The following TACC3 variants were observed in gnomAD, a reference collection of about 807,000 sequenced individuals.
TACC3 encodes the protein transforming acidic coiled-coil containing protein 3.
TACC3 carries 52 observed loss-of-function variants against 86.0 expected under a neutral mutation model. The observed-to-expected ratio is 0.60, with a 90% confidence interval of 0.48 to 0.76. TACC3 has a LOEUF of 0.76. Ranked by LOEUF, TACC3 falls within the 30% of genes least tolerant of loss-of-function variation. The pLI is 0.00. For synonymous variants in TACC3, 512 were observed against 430.0 expected, an observed-to-expected ratio of 1.19 and a Z score of -2.36; for missense variants, 1,120 against 1,070.4, an observed-to-expected ratio of 1.05 and a Z score of -0.65.
chr4:1,724,521 G>T (rs1022291769), intron 3 of TACC3, among the ~76,000 whole-genome samples: 1 of 149,536 alleles, frequency 6.7e-6, no homozygotes, highest in Non-Finnish European at 1.5e-5. Flanking sequence ...CTCCCGAGTA[G>T]CTGGGGCTAC....
chr4:1,722,456 C>T (rs1215954667), intron 1 of TACC3, among the ~76,000 whole-genome samples: 2 of 152,210 alleles, frequency 1.3e-5, no homozygotes, highest in African/African-American at 4.8e-5. Context: ...CCTTGGGCTC[C>T]AGAAGCCTGT....
chr4:1,735,676 C>CG lies in TACC3; in HGVS notation c.1645-55_1645-54insG. ...AGGTGACCTCCCTGGCCCTTAGCCC[C>CG]CGTGTGTGTTAGGGGATGGCAGTCA... On this transcript the variant is annotated intron_variant, in intron 7 of 15. Coordinates refer to ENST00000313288, the MANE Select transcript of TACC3 (RefSeq NM_006342.3). The surrounding 1 kb of genome is among the most constrained non-coding windows in gnomAD (Gnocchi z 4.2). The CG allele has an allele frequency of 8.8e-6, 12 of 1,360,128 alleles. No individual in the cohort carries two copies. The highest frequency in any genetic ancestry group is 3.8e-5 in the Admixed American group (2 of 52,144). The allele number at this position is 1,360,128 out of a possible 1,614,324, so 84.3% of individuals were successfully genotyped here.
At chr4:1,738,306 G>T (rs1245511824) in intron 10 of TACC3, 2 of 227,812 alleles carry the variant, frequency 8.8e-6, no homozygotes, top group African/African-American at 4.6e-5. Context: ...GGCTGGCAGG[G>T]CTGGGTTCAA....
At chr4:1,743,192 G>T (rs1718676172) in intron 13 of TACC3, among the ~76,000 whole-genome samples, 1 of 148,032 alleles carries the variant, frequency 6.8e-6, no homozygotes, top group Non-Finnish European at 1.5e-5. Context: ...GGAGGTGGAG[G>T]TTGCAATGAG....
chr4:1,720,662 G>T (rs961733003), upstream of TACC3: 4 of 1,546,650 alleles, frequency 2.6e-6, no homozygotes, highest in Admixed American at 3.9e-5. The surrounding 1 kb of genome is among the most constrained non-coding windows in gnomAD (Gnocchi z 4.4). Context: ...GCACAACAGC[G>T]TGGCGGCCGT....
chr4:1,730,519 C>T (rs79404600), intron 4 of TACC3: 11,995 of 413,032 alleles, frequency 0.029, 311 homozygotes, highest in South Asian at 0.069. Context: ...CTTGCCTTGG[C>T]CCCTGGGTGG....
rs765522707 is a variant in TACC3 at position 1,728,787 on chromosome 4, A to G, written c.1385A>G (p.Gln462Arg). 5.6e-6 allele frequency: 9 copies of G among 1,600,726 alleles called. No homozygotes were observed. The Admixed American group carries it at 1.0e-4, about 18-fold the overall frequency. ...GAGGAGCCAGGTCCCTGTCTGAGCC[A>G]GTAAGTGTGAGGATGGGATGGGGAG... ...ATEEPGPCLS[Q>R]QLHSASAEDT... The change falls in exon 4 of 16, where the codon CAG becomes CGG. Residue 462 changes from glutamine (Q) to arginine (R), a missense_variant and splice_region_variant. By Grantham distance (43) the Gln-to-Arg change is conservative. Coordinates refer to ENST00000313288, the MANE Select transcript of TACC3 (RefSeq NM_006342.3).
intron 4 of TACC3, 112 bp from the exon 5 acceptor site, chr4:1,730,775 A>T: frequency 1.6e-6 from 2 of 1,224,744 alleles, no homozygotes; most frequent in Non-Finnish European, 2.4e-6. Context: ...CTGAATGTTC[A>T]CGTGGCCGGC....
intron 12 of TACC3, 194 bp from the exon 13 acceptor site, chr4:1,740,632 A>C: frequency 1.8e-4 from 96 of 527,834 alleles, no homozygotes; most frequent in Middle Eastern, 1.1e-3. Context: ...ATGTGGAGGA[A>C]ACAGCTGTTT....
chr4:1,731,253 C>T lies in TACC3; in HGVS notation c.1543C>T (p.Gln515Ter). 5 of 1,613,380 alleles carry T rather than the reference C, an allele frequency of 3.1e-6. No individual in the cohort carries two copies. The highest frequency in any genetic ancestry group is 4.2e-6 in the Non-Finnish European group (5 of 1,180,010). The change falls in exon 6 of 16, where the codon CAG (glutamine) becomes TAG (stop). Residue 515 changes from glutamine (Q) to a stop codon, truncating the protein, a stop_gained. Coordinates refer to ENST00000313288, the MANE Select transcript of TACC3 (RefSeq NM_006342.3). LOFTEE classifies it high-confidence loss of function. ...SEPVPTHQQG[Q>*]PALELKEESF... is the part of the protein sequence containing the mutation. ...GCCAGTGCCCACCCATCAGCAGGGGCAGCCTGCCTTGGAGCTGAAAGAGGA... is the reference window on the plus strand; with the variant it reads ...GCCAGTGCCCACCCATCAGCAGGGGTAGCCTGCCTTGGAGCTGAAAGAGGA...
At chr4:1,727,316 C>T (rs1415271862) in intron 3 of TACC3, among the ~76,000 whole-genome samples, 1 of 152,166 alleles carries the variant, frequency 6.6e-6, no homozygotes, top group African/African-American at 2.4e-5. Flanking sequence ...GGGGGCAGAC[C>T]TCGTGCATGA....
At chr4:1,728,918 C>T (rs2108689771) in intron 4 of TACC3, 131 bp downstream of exon 4, 1 of 939,334 alleles carries the variant, frequency 1.1e-6, no homozygotes, top group Admixed American at 2.9e-5. Context: ...TGAGGAGGGG[C>T]CTCTGGATAA....
intron 3 of TACC3, among the ~76,000 whole-genome samples, chr4:1,726,040 C>T (rs902222046): frequency 1.4e-4 from 22 of 152,220 alleles, no homozygotes; most frequent in Admixed American, 4.6e-4. Flanking sequence ...CATGACCCTG[C>T]GTCTTCTCAG....
At chr4:1,732,762 C>T (rs954714280) in intron 6 of TACC3, among the ~76,000 whole-genome samples, 10 of 152,178 alleles carry the variant, frequency 6.6e-5, no homozygotes, top group South Asian at 2.1e-4. Flanking sequence ...GGTGTGTTTC[C>T]GAGTCCTGGC....
At position 1,728,245 on chromosome 4, in the gene TACC3, C is replaced by T. The variant is rs1717808103; in HGVS notation, c.843C>T (p.Thr281=). Residue 281 remains threonine, a synonymous_variant, in exon 4 of 16, where the codon ACC becomes ACT. Coordinates refer to ENST00000313288, the MANE Select transcript of TACC3 (RefSeq NM_006342.3). ...EALGCPAGVG[T]PVPADGTQTL... is the part of the protein sequence containing the mutation. ...TGGGCTGCCCTGCGGGTGTGGGCAC[C>T]CCCGTGCCAGCAGATGGCACTCAGA... The T allele has an allele frequency of 6.2e-7, 1 of 1,612,340 alleles. No individual in the cohort carries two copies. The highest frequency in any genetic ancestry group is 1.3e-5 in the African/African-American group (1 of 74,940).
chr4:1,740,815 C>G lies in TACC3; in HGVS notation c.2063-11C>G, dbSNP rs1390403758. 1 of 1,601,778 alleles carries G rather than the reference C, an allele frequency of 6.2e-7. No homozygotes were observed. The highest frequency in any genetic ancestry group is 1.4e-5 in the African/African-American group (1 of 73,876). On this transcript the variant is annotated splice_polypyrimidine_tract_variant and intron_variant, in intron 12 of 15. Transcript: ENST00000313288. The stretch of plus-strand genomic sequence containing the variant: ...CTCCTCATCCTGAACGTTTGCTTTT[C>G]TTTTCTCAAGAGGAAGTTCAGAAGC...
At chr4:1,729,671 A>T (rs1328921787) in intron 4 of TACC3, among the ~76,000 whole-genome samples, 2 of 152,242 alleles carry the variant, frequency 1.3e-5, no homozygotes, top group Non-Finnish European at 2.9e-5. Flanking sequence ...GCGGATCATG[A>T]AAGTGGACCA....
In TACC3 at chr4:1,727,968, A is replaced by G. The variant is rs1717776913; in HGVS notation, c.566A>G (p.Tyr189Cys). Residue 189 changes from tyrosine to cysteine, a missense_variant, in exon 4 of 16, where the codon TAT becomes TGT. Coordinates refer to ENST00000313288, the MANE Select transcript of TACC3 (RefSeq NM_006342.3). ...EQAVEENLSS[Y>C]SLDRRVTPAS... The stretch of plus-strand genomic sequence containing the variant: ...GCCGTGGAGGAAAACCTTAGTTCCT[A>G]TTCCTTAGACAGAAGAGTGACACCC... 1 of 1,613,522 alleles carries G rather than the reference A, an allele frequency of 6.2e-7. No homozygotes were observed. The highest frequency in any genetic ancestry group is 1.1e-5 in the South Asian group (1 of 91,088).
Position 1,727,715 on chromosome 4 carries a change from C to A in TACC3, c.313C>A (p.Leu105Ile). The A allele has an allele frequency of 1.3e-6, 2 of 1,581,964 alleles. No individual in the cohort carries two copies. The highest frequency in any genetic ancestry group is 8.6e-7 in the Non-Finnish European group (1 of 1,162,980). Residue 105 changes from leucine to isoleucine, a missense_variant, in exon 4 of 16, where the codon CTC becomes ATC. Leu to Ile is a conservative substitution (Grantham distance 5). Coordinates refer to ENST00000313288, the MANE Select transcript of TACC3 (RefSeq NM_006342.3). ...PVWTQKENQQ[L>I]IKEVDAKTTH... The stretch of plus-strand genomic sequence containing the variant: ...TTAAGTCTCTTTTAAAAGCCAACAG[C>A]TCATCAAGGAAGTGGATGCCAAAAC...
Sources: gnomAD v4.1 joint callset for allele counts (sites outside exome capture counted in the v4.1 genomes callset) on GRCh38, gnomAD v4.1.1 for gene constraint, Gnocchi (gnomAD v3.1) non-coding constraint, MANE v1.5 for transcripts, NCBI Gene and HGNC (gene_info 2026-07-23, HGNC 2026-07-21) for gene names.